VTI1A: variants seen among roughly 807,000 people sequenced by gnomAD.
VTI1A encodes vesicle transport through interaction with t-SNAREs 1A.
Under a neutral mutation model 34.9 loss-of-function variants are expected in VTI1A, and 22 were observed. The observed-to-expected ratio is 0.63, with a 90% CI of 0.45 to 0.90. The LOEUF is 0.90. Among genes scored for constraint, VTI1A ranks in the 40% least tolerant of loss-of-function variants. VTI1A has a pLI of 0.00. For missense variants in VTI1A, 268 were observed against 275.6 expected, an observed-to-expected ratio of 0.97 and a Z score of 0.20; for synonymous variants, 87 against 97.3, an observed-to-expected ratio of 0.89 and a Z score of 0.62.
chr10:112,496,431 C>T (rs959444798), intron 3 of VTI1A, among the ~76,000 whole-genome samples: 11 of 151,728 alleles, frequency 7.2e-5, no homozygotes, highest in East Asian at 3.9e-4. Flanking sequence ...ATTAGCCAGG[C>T]GTGGTGATGC....
chr10:112,547,502 C>T (rs972636077), intron 5 of VTI1A, among the ~76,000 whole-genome samples: 26 of 152,082 alleles, frequency 1.7e-4, no homozygotes, highest in South Asian at 2.1e-4. Context: ...CACTTGAACC[C>T]AGGAGGCAGA....
At chr10:112,789,859 A>G (rs963573516) in intron 7 of VTI1A, among the ~76,000 whole-genome samples, 1 of 151,742 alleles carries the variant, frequency 6.6e-6, no homozygotes, top group Non-Finnish European at 1.5e-5. Context: ...GCTGCTTGGG[A>G]GTCTGCTAAA....
chr10:112,701,960 T>C (rs1336357248), intron 7 of VTI1A, among the ~76,000 whole-genome samples: 2 of 152,202 alleles, frequency 1.3e-5, no homozygotes, highest in Non-Finnish European at 2.9e-5. Flanking sequence ...ATAAACTTAA[T>C]TTCTACTCTT....
At chr10:112,541,585 T>C (rs1029598178) in intron 5 of VTI1A, among the ~76,000 whole-genome samples, 2 of 152,196 alleles carry the variant, frequency 1.3e-5, no homozygotes, top group Non-Finnish European at 2.9e-5. Context: ...TAAAAGAAAG[T>C]TAATGTAGAA....
chr10:112,752,183 G>T (rs1242035617), intron 7 of VTI1A, among the ~76,000 whole-genome samples: 1 of 152,192 alleles, frequency 6.6e-6, no homozygotes, highest in African/African-American at 2.4e-5. Context: ...AGAAGATGCA[G>T]TTATGAGAGG....
the VTI1A span, among the ~76,000 whole-genome samples, chr10:112,827,892 C>T: frequency 4.6e-5 from 7 of 152,224 alleles, no homozygotes; most frequent in South Asian, 1.5e-3. Context: ...AGATAATATT[C>T]AAGGTTGTTT....
intron 5 of VTI1A, among the ~76,000 whole-genome samples, chr10:112,604,736 A>G (rs1000928308): frequency 7.9e-5 from 12 of 152,210 alleles, no homozygotes; most frequent in African/African-American, 2.9e-4. Flanking sequence ...GCCAGAAGAG[A>G]TATAAAACAT....
At chr10:112,694,764 T>C (rs1848723841) in intron 7 of VTI1A, among the ~76,000 whole-genome samples, 1 of 151,700 alleles carries the variant, frequency 6.6e-6, no homozygotes, top group Non-Finnish European at 1.5e-5. Context: ...AAGTCAGGAG[T>C]TCGAGACTAG....
chr10:112,518,658 T>TAC (rs1437706091), intron 3 of VTI1A, among the ~76,000 whole-genome samples: 16 of 146,222 alleles, frequency 1.1e-4, no homozygotes, highest in Admixed American at 8.9e-4. Flanking sequence ...CGTGTATATA[T>TAC]ATATATATAT....
downstream of VTI1A, among the ~76,000 whole-genome samples, chr10:112,818,980 C>T (rs1853600168): frequency 2.0e-5 from 3 of 151,924 alleles, no homozygotes; most frequent in Non-Finnish European, 2.9e-5. Flanking sequence ...ATATCTTATT[C>T]GAAGGGGCAA....
At chr10:112,646,130 A>G (rs1234843491) in intron 5 of VTI1A, among the ~76,000 whole-genome samples, 1 of 152,176 alleles carries the variant, frequency 6.6e-6, no homozygotes, top group African/African-American at 2.4e-5. Context: ...AAATTTTGCT[A>G]GAAATACAAC....
intron 2 of VTI1A, among the ~76,000 whole-genome samples, chr10:112,463,746 T>G (rs1368874439): frequency 3.3e-5 from 5 of 152,180 alleles, no homozygotes; most frequent in Non-Finnish European, 7.3e-5. Context: ...AGGATGAAGG[T>G]AAAGATCACA....
intron 5 of VTI1A, among the ~76,000 whole-genome samples, chr10:112,651,838 C>T (rs1373682341): frequency 6.6e-6 from 1 of 152,228 alleles, no homozygotes; most frequent in Non-Finnish European, 1.5e-5. Flanking sequence ...GGAAAGTCCA[C>T]TTCATCCAAG....
At chr10:112,668,097 T>C in intron 5 of VTI1A, 121 bp from the exon 6 acceptor site, 2 of 660,052 alleles carry the variant, frequency 3.0e-6, no homozygotes, top group Non-Finnish European at 5.3e-6. Flanking sequence ...AATTGAAATA[T>C]GTGTCTGATG....
intron 5 of VTI1A, among the ~76,000 whole-genome samples, chr10:112,586,217 G>A (rs1043018291): frequency 3.3e-5 from 5 of 149,744 alleles, no homozygotes; most frequent in African/African-American, 9.8e-5. Context: ...ATTCTTTTTC[G>A]CAGCCAAAAA....
At chr10:112,809,934 A>G (rs921009156) in intron 7 of VTI1A, among the ~76,000 whole-genome samples, 75 of 152,316 alleles carry the variant, frequency 4.9e-4, no homozygotes, top group African/African-American at 1.6e-3. Flanking sequence ...AAGAATGCAC[A>G]TATGCCGTAG....
intron 5 of VTI1A, among the ~76,000 whole-genome samples, chr10:112,542,456 C>T (rs554736162): frequency 6.6e-6 from 1 of 152,186 alleles, no homozygotes; most frequent in East Asian, 1.9e-4. Flanking sequence ...AGTTGTCACC[C>T]CTTCTCTCAG....
chr10:112,529,212 C>A (rs1180160893), intron 4 of VTI1A, among the ~76,000 whole-genome samples: 1 of 152,034 alleles, frequency 6.6e-6, no homozygotes, highest in Non-Finnish European at 1.5e-5. Context: ...AGTTTTCCAT[C>A]TAAAATTTGA....
At chr10:112,830,830 TATATATATATATA>T in the VTI1A span, among the ~76,000 whole-genome samples, 1 of 44,490 alleles carries the variant, frequency 2.2e-5, no homozygotes, top group African/African-American at 8.8e-5. Flanking sequence ...CTCATATATA[TATATATATATATA>T]TATATATTTT....
Sources: allele counts gnomAD v4.1 joint callset (sites outside exome capture counted in the v4.1 genomes callset), GRCh38; gene constraint gnomAD v4.1.1; transcripts MANE v1.5; gene names NCBI Gene and HGNC (gene_info 2026-07-23, HGNC 2026-07-21).